PTPRQ: variants seen among roughly 807,000 people sequenced by gnomAD.
PTPRQ encodes the protein phosphatidylinositol phosphatase PTPRQ.
A neutral mutation model predicts 246.0 loss-of-function variants in PTPRQ; 199 were observed. The observed-to-expected ratio is 0.81, with a 90% CI of 0.72 to 0.91. PTPRQ has a LOEUF of 0.91. Ranked by LOEUF, PTPRQ falls within the 40% of genes least tolerant of loss-of-function variation. The probability of loss-of-function intolerance (pLI) is 0.00; values close to 1 mark genes in which losing one functional copy is unlikely to be tolerated. For missense variants in PTPRQ, 2,624 were observed against 2,528.4 expected, an observed-to-expected ratio of 1.04 and a Z score of -0.81; for synonymous variants, 869 against 853.2, an observed-to-expected ratio of 1.02 and a Z score of -0.32.
intron 26 of PTPRQ, among the ~76,000 whole-genome samples, chr12:80,598,357 A>G (rs529565918): frequency 6.6e-6 from 1 of 152,118 alleles, no homozygotes; most frequent in South Asian, 2.1e-4. Flanking sequence ...AAACTACAAA[A>G]GGATAGCCAG....
At chr12:80,473,047 GCA>G (rs34054644) in intron 8 of PTPRQ, among the ~76,000 whole-genome samples, 81,178 of 145,502 alleles carry the variant, frequency 0.56, 24,553 homozygotes, top group South Asian at 0.69. Context: ...TCACACACAC[GCA>G]CACACACACA....
At chr12:80,489,987 G>GTTTTGTGCT (rs369862702) in intron 9 of PTPRQ, among the ~76,000 whole-genome samples, 1 of 151,784 alleles carries the variant, frequency 6.6e-6, no homozygotes, top group Non-Finnish European at 1.5e-5. Context: ...GTGAATGTAA[G>GTTTTGTGCT]AAGAAAGTCT....
intron 33 of PTPRQ, among the ~76,000 whole-genome samples, chr12:80,629,588 G>A (rs991543632): frequency 3.3e-5 from 5 of 152,028 alleles, no homozygotes; most frequent in Non-Finnish European, 5.9e-5. Context: ...GGAAATCAGA[G>A]GGGTAACAGG....
intron 8 of PTPRQ, among the ~76,000 whole-genome samples, chr12:80,483,093 A>C (rs1894131876): frequency 8.0e-6 from 1 of 125,482 alleles, no homozygotes; most frequent in Admixed American, 8.4e-5. Context: ...TTATTGTGGC[A>C]CTATTCACAA....
At chr12:80,571,931 T>A (rs1299823165) in intron 25 of PTPRQ, among the ~76,000 whole-genome samples, 1 of 152,152 alleles carries the variant, frequency 6.6e-6, no homozygotes. Flanking sequence ...AGCTTTATTA[T>A]AAGTCTTGAA....
intron 27 of PTPRQ, among the ~76,000 whole-genome samples, chr12:80,607,365 G>T (rs1565815289): frequency 6.6e-6 from 1 of 150,818 alleles, no homozygotes; most frequent in Non-Finnish European, 1.5e-5. Flanking sequence ...ACAATAGCAA[G>T]AACAGATTCA....
rs1235780921 is a variant in PTPRQ at position 80,541,823 on chromosome 12, A to G, written c.3423A>G (p.Leu1141=). 3 of 1,547,548 alleles carry G rather than the reference A, an allele frequency of 1.9e-6. No homozygotes were observed. The highest frequency in any genetic ancestry group is 2.6e-6 in the Non-Finnish European group (3 of 1,145,280). Residue 1141 remains leucine (L), a synonymous_variant, in exon 21 of 45, where the codon CTA becomes CTG. Coordinates refer to ENST00000644991, the MANE Select transcript of PTPRQ (RefSeq NM_001145026.2). The part of the protein sequence containing the change: ...KGFSDTYTAQ[L]YIKTEEDVPE... Reference sequence around the variant, plus strand: ...TCTCTGATACCTATACTGCCCAGCTATACATCAAGACTGAAGAAGATGGTA... The same window carrying G: ...TCTCTGATACCTATACTGCCCAGCTGTACATCAAGACTGAAGAAGATGGTA...
At position 80,477,895 on chromosome 12, in the gene PTPRQ, G is replaced by A. The variant is rs192342867; in HGVS notation, c.1186+5644G>A. Among the ~76,000 whole-genome samples, 335 of 152,248 alleles carry A rather than the reference G, an allele frequency of 2.2e-3. 1 individual carries two copies. The highest frequency in any genetic ancestry group is 7.6e-3 in the African/African-American group (316 of 41,566). ...GAGGGTCCTACGCCCACGGAGTCTC[G>A]CTGATTGCTAGTACAGCAGTCTGAG... On this transcript the variant is annotated intron_variant, in intron 8 of 44. Coordinates refer to ENST00000644991, the MANE Select transcript of PTPRQ (RefSeq NM_001145026.2).
chr12:80,479,801 G>A (rs1186845491), intron 8 of PTPRQ, among the ~76,000 whole-genome samples: 3 of 152,116 alleles, frequency 2.0e-5, no homozygotes, highest in Non-Finnish European at 4.4e-5. Flanking sequence ...TAATGGTAAA[G>A]GGATCAATTC....
intron 38 of PTPRQ, among the ~76,000 whole-genome samples, chr12:80,653,478 T>A (rs927940786): frequency 2.0e-5 from 3 of 152,218 alleles, no homozygotes; most frequent in Admixed American, 6.5e-5. Flanking sequence ...ATTTTCAATA[T>A]TCTGATTCAA....
Position 80,444,785 on chromosome 12 carries a change from C to A in PTPRQ, c.99C>A (p.Thr33=). The A allele has an allele frequency of 6.5e-7, 1 of 1,540,070 alleles. No individual in the cohort carries two copies. The highest frequency in any genetic ancestry group is 1.2e-5 in the South Asian group (1 of 83,510). ...NVVPGTRYDI[T]ISSISTTYTS... The stretch of plus-strand genomic sequence containing the variant: ...TTCCTGGTACTAGGTACGATATAAC[C>A]ATCTCTTCAATTTCTACAACATACA... Residue 33 remains threonine (T), a synonymous_variant, in exon 2 of 45, where the codon ACC becomes ACA. Coordinates refer to ENST00000644991, the MANE Select transcript of PTPRQ (RefSeq NM_001145026.2).
At chr12:80,529,737 C>CT (rs1337658660) in intron 17 of PTPRQ, among the ~76,000 whole-genome samples, 1 of 151,868 alleles carries the variant, frequency 6.6e-6, no homozygotes, top group Non-Finnish European at 1.5e-5. Flanking sequence ...CAATTGAAGA[C>CT]TTTTTTTGGC....
In PTPRQ at chr12:80,534,255, A is replaced by G. The variant is rs148919509; in HGVS notation, c.2839+80A>G. The G allele has an allele frequency of 2.5e-3, 3,264 of 1,325,120 alleles. 10 individuals carry two copies. The highest frequency in any genetic ancestry group is 0.01 in the Middle Eastern group (48 of 4,752). 82.1% of individuals were successfully genotyped at this position (1,325,120 alleles called of 1,614,324 possible). On this transcript the variant is annotated intron_variant, in intron 18 of 44. Coordinates refer to ENST00000644991, the MANE Select transcript of PTPRQ (RefSeq NM_001145026.2). ...ATCCTGCCCAGAAAAATATTCAAAT[A>G]TCAAAATGTATGATGAAGCCTAATA...
At chr12:80,452,400 T>C (rs1480365018) in intron 3 of PTPRQ, among the ~76,000 whole-genome samples, 1 of 152,204 alleles carries the variant, frequency 6.6e-6, no homozygotes, top group Non-Finnish European at 1.5e-5. Context: ...AATTTGATCC[T>C]GTCATTATGA....
intron 6 of PTPRQ, among the ~76,000 whole-genome samples, chr12:80,466,752 G>A (rs1324607848): frequency 6.6e-6 from 1 of 152,192 alleles, no homozygotes; most frequent in Non-Finnish European, 1.5e-5. Context: ...AACAAGCAAT[G>A]TGGAAAGGAT....
At chr12:80,506,999 C>T (rs867964045) in intron 16 of PTPRQ, among the ~76,000 whole-genome samples, 1 of 151,926 alleles carries the variant, frequency 6.6e-6, no homozygotes, top group African/African-American at 2.4e-5. Flanking sequence ...AGTTTTTCAA[C>T]TTTTACATTT....
chr12:80,483,750 A>T (rs577439220), intron 8 of PTPRQ, among the ~76,000 whole-genome samples: 21 of 151,356 alleles, frequency 1.4e-4, no homozygotes, highest in African/African-American at 5.1e-4. Flanking sequence ...CCACCCACCG[A>T]CAGGCCCCGG....
chr12:80,656,764 C>A (rs1263903644), intron 38 of PTPRQ, among the ~76,000 whole-genome samples: 1 of 149,940 alleles, frequency 6.7e-6, no homozygotes, highest in Non-Finnish European at 1.5e-5. Flanking sequence ...ACCTAGAAAA[C>A]AAAGTGGTGT....
At chr12:80,468,967 A>G (rs981199691) in intron 7 of PTPRQ, 129 bp downstream of exon 7, 1 of 1,306,142 alleles carries the variant, frequency 7.7e-7, no homozygotes, top group Admixed American at 3.4e-5. Flanking sequence ...AACAATAGGA[A>G]AGTCATAAGG....
Sources: gnomAD v4.1 joint callset for allele counts (sites outside exome capture counted in the v4.1 genomes callset) on GRCh38, gnomAD v4.1.1 for gene constraint, MANE v1.5 for transcripts, NCBI Gene and HGNC (gene_info 2026-07-23, HGNC 2026-07-21) for gene names.